CNTNAP2: variants seen among roughly 807,000 people sequenced by gnomAD.
CNTNAP2 encodes the protein contactin associated protein 2, also known as contactin-associated protein-like 2.
CNTNAP2 carries 98 observed loss-of-function variants against 155.2 expected under a neutral mutation model. The observed-to-expected ratio is 0.63, with a 90% confidence interval of 0.54 to 0.75. The LOEUF (loss-of-function observed/expected upper bound fraction) is 0.75, where lower values mean the gene tolerates loss of function less well. Ranked by LOEUF, CNTNAP2 falls within the 30% of genes least tolerant of loss-of-function variation. The pLI is 0.00. For missense variants in CNTNAP2, 1,727 were observed against 1,688.1 expected (o/e 1.02, Z -0.40); for synonymous variants, 651 against 631.2 (o/e 1.03, Z -0.47).
At chr7:146,672,935 C>G (rs185750376) in intron 1 of CNTNAP2, among the ~76,000 whole-genome samples, 7 of 152,062 alleles carry the variant, frequency 4.6e-5, no homozygotes, top group Admixed American at 4.6e-4. Context: ...TGTATTAAGG[C>G]AATAAATGTA....
intron 1 of CNTNAP2, among the ~76,000 whole-genome samples, chr7:146,176,766 A>C (rs1361340330): frequency 1.3e-5 from 2 of 152,232 alleles, no homozygotes; most frequent in Non-Finnish European, 2.9e-5. Flanking sequence ...ATGTGTAAGC[A>C]AATTTGCCAT....
chr7:147,189,292 C>T (rs1444288696), intron 8 of CNTNAP2, among the ~76,000 whole-genome samples: 1 of 152,214 alleles, frequency 6.6e-6, no homozygotes, highest in Non-Finnish European at 1.5e-5. Context: ...ATTAATATTA[C>T]GTTTTGACTT....
chr7:146,377,931 CT>C (rs1451558791), intron 1 of CNTNAP2, among the ~76,000 whole-genome samples: 4 of 152,168 alleles, frequency 2.6e-5, no homozygotes, highest in Non-Finnish European at 4.4e-5. Flanking sequence ...AAGCTTTGTG[CT>C]TTCAGTACCT....
intron 1 of CNTNAP2, among the ~76,000 whole-genome samples, chr7:146,736,079 A>G (rs953194107): frequency 6.6e-6 from 1 of 152,042 alleles, no homozygotes; most frequent in Non-Finnish European, 1.5e-5. Flanking sequence ...CACACAAATA[A>G]CTCATAAGAA....
intron 14 of CNTNAP2, among the ~76,000 whole-genome samples, chr7:147,905,208 T>C (rs1388096566): frequency 3.3e-5 from 5 of 152,150 alleles, no homozygotes; most frequent in Non-Finnish European, 7.3e-5. Flanking sequence ...CCTTCTCCCA[T>C]CCATTTGTCT....
intron 1 of CNTNAP2, among the ~76,000 whole-genome samples, chr7:146,666,923 C>T (rs995344969): frequency 3.9e-5 from 6 of 152,080 alleles, no homozygotes; most frequent in African/African-American, 1.4e-4. Context: ...TATTTTATCT[C>T]ATTCTGTAGG....
At chr7:147,356,085 C>T (rs1796057863) in intron 9 of CNTNAP2, among the ~76,000 whole-genome samples, 1 of 152,128 alleles carries the variant, frequency 6.6e-6, no homozygotes, top group Non-Finnish European at 1.5e-5. Context: ...AGCTTATCCA[C>T]CATGATCAAG....
chr7:146,169,608 A>G (rs952586193), intron 1 of CNTNAP2, among the ~76,000 whole-genome samples: 19 of 152,056 alleles, frequency 1.2e-4, no homozygotes, highest in African/African-American at 4.6e-4. Context: ...TATTCATCTT[A>G]AAACATTTCT....
chr7:147,170,050 G>A (rs996858640), intron 8 of CNTNAP2, among the ~76,000 whole-genome samples: 1 of 152,050 alleles, frequency 6.6e-6, no homozygotes, highest in African/African-American at 2.4e-5. Context: ...TTCCTGTGCT[G>A]ATTCTTTCTC....
chr7:146,146,681 T>A (rs1008697770), intron 1 of CNTNAP2, among the ~76,000 whole-genome samples: 2 of 152,090 alleles, frequency 1.3e-5, no homozygotes, highest in Non-Finnish European at 2.9e-5. Flanking sequence ...TTTTGAAAGA[T>A]TCTATTAATA....
At chr7:148,142,486 T>C (rs899792104) in intron 16 of CNTNAP2, among the ~76,000 whole-genome samples, 1 of 152,196 alleles carries the variant, frequency 6.6e-6, no homozygotes, top group Non-Finnish European at 1.5e-5. Context: ...AGTTTTGTTG[T>C]ATGACTCAAA....
At chr7:147,055,243 C>T (rs563821051) in intron 4 of CNTNAP2, among the ~76,000 whole-genome samples, 4 of 152,300 alleles carry the variant, frequency 2.6e-5, no homozygotes, top group East Asian at 1.9e-4. Flanking sequence ...TTTATGATCA[C>T]GGCTCTATGG....
At position 146,370,260 on chromosome 7, in the gene CNTNAP2, T is replaced by TAAAAAA. The variant is rs34996621; in HGVS notation, c.97+253311_97+253316dup. 2.2e-4 allele frequency among the ~76,000 whole-genome samples: 19 copies of TAAAAAA among 87,596 alleles called. 1 individual carries two copies. Among genetic ancestry groups the TAAAAAA allele is most frequent in the African/African-American group, 8.8e-4 (17 of 19,376 alleles). The allele number at this position is 87,596 out of a possible 152,430, so 57.5% of individuals were successfully genotyped here. On this transcript the variant is annotated intron_variant, in intron 1 of 23. Transcript: ENST00000361727. The stretch of plus-strand genomic sequence containing the variant: ...AATAGGTGAAACCCCATCTCTACTT[T>TAAAAAA]AAAAAAAAAAAAAAAAAAAAAAAAA...
At chr7:148,152,791 T>C (rs994032154) in intron 17 of CNTNAP2, among the ~76,000 whole-genome samples, 100 of 152,038 alleles carry the variant, frequency 6.6e-4, no homozygotes, top group African/African-American at 2.4e-3. Flanking sequence ...GAGGCCGAGA[T>C]GGGGGGATCA....
chr7:146,206,043 C>T (rs1024951324), intron 1 of CNTNAP2, among the ~76,000 whole-genome samples: 39 of 151,776 alleles, frequency 2.6e-4, no homozygotes, highest in Admixed American at 1.1e-3. Flanking sequence ...TCTGTTTTGT[C>T]GTATTTTACA....
chr7:147,688,002 T>C (rs1003241310), intron 13 of CNTNAP2, among the ~76,000 whole-genome samples: 7 of 152,172 alleles, frequency 4.6e-5, no homozygotes, highest in African/African-American at 1.7e-4. Flanking sequence ...TGATTATAAA[T>C]GCTCTGCATA....
chr7:146,989,053 A>C lies in CNTNAP2; in HGVS notation c.403-54854A>C, dbSNP rs530118556. On this transcript the variant is annotated intron_variant, in intron 3 of 23. Coordinates refer to ENST00000361727, the MANE Select transcript of CNTNAP2 (RefSeq NM_014141.6). ...TTCTTGTCTGCCAGATGTTTGCTTT[A>C]TATCACAATTGTCTTTTCCCCCTAA... 3.3e-5 allele frequency among the ~76,000 whole-genome samples: 5 copies of C among 152,202 alleles called. No homozygotes were observed. In the East Asian group the frequency reaches 9.7e-4, roughly 29 times the overall value.
At position 147,236,796 on chromosome 7, in the gene CNTNAP2, C is replaced by G. The variant is rs187137552; in HGVS notation, c.1349-63345C>G. Among the ~76,000 whole-genome samples, 307 of 152,156 alleles carry G rather than the reference C, an allele frequency of 2.0e-3. 1 individual carries two copies. Among genetic ancestry groups the G allele is most frequent in the Non-Finnish European group, 3.0e-3 (203 of 67,984 alleles). Reference sequence around the variant, plus strand: ...TCCCCTTATCTCCCACATCCAATTACTCAATTCATCCAACTCCACTTCCTA... The same window carrying G: ...TCCCCTTATCTCCCACATCCAATTAGTCAATTCATCCAACTCCACTTCCTA... On this transcript the variant is annotated intron_variant, in intron 8 of 23. Transcript: ENST00000361727.
At chr7:147,709,750 C>T (rs1321071225) in intron 13 of CNTNAP2, among the ~76,000 whole-genome samples, 1 of 152,132 alleles carries the variant, frequency 6.6e-6, no homozygotes, top group African/African-American at 2.4e-5. Flanking sequence ...TGTCTGATTG[C>T]CATCTCCAAC....
Sources: gnomAD v4.1 joint callset for allele counts (sites outside exome capture counted in the v4.1 genomes callset) on GRCh38, gnomAD v4.1.1 for gene constraint, MANE v1.5 for transcripts, NCBI Gene and HGNC (gene_info 2026-07-23, HGNC 2026-07-21) for gene names.